The following RANBP17 variants were observed in gnomAD, a reference collection of about 807,000 sequenced individuals.
The protein encoded by RANBP17 is RAN binding protein 17.
In RANBP17, 158 loss-of-function variants were observed where a neutral mutation model predicts 141.2. The ratio of observed to expected loss-of-function variants is 1.12; its 90% confidence interval spans 0.98 to 1.28. RANBP17 has a LOEUF of 1.28. Among genes scored for constraint, RANBP17 ranks in the 50% most tolerant of loss-of-function variants. RANBP17 has a pLI of 0.00. For missense variants in RANBP17, 1,438 were observed against 1,290.7 expected, an observed-to-expected ratio of 1.11 and a Z score of -1.75; for synonymous variants, 430 against 450.0, an observed-to-expected ratio of 0.96 and a Z score of 0.56.
chr5:170,884,471 A>T (rs1404984627), intron 3 of RANBP17, among the ~76,000 whole-genome samples: 1 of 152,194 alleles, frequency 6.6e-6, no homozygotes, highest in African/African-American at 2.4e-5. Context: ...TAAAAGAAAG[A>T]TAAAATGTAT....
intron 24 of RANBP17, among the ~76,000 whole-genome samples, chr5:171,262,409 C>T (rs946200721): frequency 1.3e-5 from 2 of 152,168 alleles, no homozygotes; most frequent in Non-Finnish European, 2.9e-5. Context: ...CAAAGTAACC[C>T]AGTTAATACG....
At chr5:170,998,884 A>G (rs1779012627) in intron 14 of RANBP17, among the ~76,000 whole-genome samples, 1 of 152,126 alleles carries the variant, frequency 6.6e-6, no homozygotes, top group Admixed American at 6.6e-5. Context: ...CAGAAAATGT[A>G]CCTAGATAGA....
At chr5:171,277,938 C>CTTTTTTTTTTTTTTTT (rs140208253) in intron 25 of RANBP17, among the ~76,000 whole-genome samples, 5 of 72,266 alleles carry the variant, frequency 6.9e-5, no homozygotes, top group East Asian at 1.1e-3. Flanking sequence ...GGACTTCTTT[C>CTTTTTTTTTTTTTTTT]TTTTTTTTTT....
intron 14 of RANBP17, among the ~76,000 whole-genome samples, chr5:171,081,802 A>G (rs531577893): frequency 8.3e-4 from 126 of 152,260 alleles, no homozygotes; most frequent in African/African-American, 2.7e-3. Context: ...TTACCAGTTT[A>G]TTGTAATACA....
intron 1 of RANBP17, among the ~76,000 whole-genome samples, chr5:170,875,819 A>C (rs530431202): frequency 3.3e-5 from 5 of 152,228 alleles, no homozygotes; most frequent in South Asian, 4.2e-4. Context: ...TTTGGAGAAG[A>C]AGCACTCTGG....
chr5:171,154,902 C>T (rs756592281), intron 14 of RANBP17, among the ~76,000 whole-genome samples: 4 of 151,352 alleles, frequency 2.6e-5, no homozygotes, highest in Non-Finnish European at 5.9e-5. Context: ...ATAATGAAAC[C>T]CTGTCTCTAC....
At chr5:171,106,796 G>A (rs1039205213) in intron 14 of RANBP17, among the ~76,000 whole-genome samples, 1 of 152,042 alleles carries the variant, frequency 6.6e-6, no homozygotes, top group Non-Finnish European at 1.5e-5. Context: ...TTTAATGTTT[G>A]GGGGTGGGGA....
At chr5:171,290,490 T>C (rs72829434) in intron 25 of RANBP17, among the ~76,000 whole-genome samples, 14,303 of 152,012 alleles carry the variant, frequency 0.094, 831 homozygotes, top group East Asian at 0.2. Context: ...AAGAGAAGAG[T>C]TGGGGAATGA....
chr5:171,259,230 C>G (rs904824072), intron 24 of RANBP17, among the ~76,000 whole-genome samples: 1 of 152,090 alleles, frequency 6.6e-6, no homozygotes, highest in South Asian at 2.1e-4. Context: ...CAGATGTTGT[C>G]AAGGATGCAG....
chr5:171,253,603 C>A (rs1164091266), intron 24 of RANBP17, among the ~76,000 whole-genome samples: 1 of 152,080 alleles, frequency 6.6e-6, no homozygotes, highest in African/African-American at 2.4e-5. Context: ...TTTTTGTTTC[C>A]CCAAGGGGAA....
At position 170,916,564 on chromosome 5, in the gene RANBP17, A is replaced by C. The variant is rs1771989183; in HGVS notation, c.934A>C (p.Arg312=). 2 of 1,567,246 alleles carry C rather than the reference A, an allele frequency of 1.3e-6. No individual in the cohort carries two copies. The highest frequency in any genetic ancestry group is 1.4e-5 in the African/African-American group (1 of 73,678). ...TGGTAATTTAATTAAGGGAGTAAAA[A>C]GGATACTTGAAAACCCTCAGGTATT... The part of the protein sequence containing the change: ...YLGNLIKGVK[R]ILENPQGLSD... Residue 312 remains arginine (R), a synonymous_variant, in exon 9 of 28, where the codon AGG becomes CGG. Coordinates refer to ENST00000523189, the MANE Select transcript of RANBP17 (RefSeq NM_022897.5).
intron 16 of RANBP17, among the ~76,000 whole-genome samples, chr5:171,175,268 A>T (rs1002873786): frequency 6.6e-6 from 1 of 152,174 alleles, no homozygotes; most frequent in Non-Finnish European, 1.5e-5. Context: ...ATACGTGTGC[A>T]TGTGTCTTTA....
At chr5:171,234,674 A>G (rs1764422774) in intron 22 of RANBP17, among the ~76,000 whole-genome samples, 1 of 152,140 alleles carries the variant, frequency 6.6e-6, no homozygotes, top group Admixed American at 6.5e-5. Context: ...GAAAAAATGT[A>G]GTCAAGAGAT....
At chr5:171,156,876 C>G (rs1026703134) in intron 14 of RANBP17, among the ~76,000 whole-genome samples, 6 of 152,022 alleles carry the variant, frequency 3.9e-5, no homozygotes, top group African/African-American at 1.4e-4. Flanking sequence ...TTATCGAAAA[C>G]AGTCTTTTTT....
In RANBP17 at chr5:171,043,138, T is replaced by A. The variant is rs941958863; in HGVS notation, c.1710+74761T>A. ...CATGCAGATATTCCTTGAATTACTT[T>A]TGTAATCAGTAATTCTTTTTGAGAC... On this transcript the variant is annotated intron_variant, in intron 14 of 27. Coordinates refer to ENST00000523189, the MANE Select transcript of RANBP17 (RefSeq NM_022897.5). Among the ~76,000 whole-genome samples, 8 of 152,220 alleles carry A rather than the reference T, an allele frequency of 5.3e-5. No individual in the cohort carries two copies. The East Asian group carries it at 1.5e-3, about 29-fold the overall frequency.
chr5:171,258,060 C>T (rs370563182), intron 24 of RANBP17, among the ~76,000 whole-genome samples: 1 of 150,350 alleles, frequency 6.7e-6, no homozygotes, highest in African/African-American at 2.4e-5. Flanking sequence ...GAGCCGAGAT[C>T]GCTTCATTGC....
chr5:171,249,150 G>GT (rs1351311090), intron 24 of RANBP17, among the ~76,000 whole-genome samples: 1 of 152,110 alleles, frequency 6.6e-6, no homozygotes, highest in African/African-American at 2.4e-5. Flanking sequence ...CTCCAAGAAA[G>GT]TTACAGAAAG....
intron 14 of RANBP17, among the ~76,000 whole-genome samples, chr5:171,078,104 C>T (rs1387673579): frequency 1.1e-4 from 17 of 151,092 alleles, no homozygotes; most frequent in Non-Finnish European, 1.5e-5. Context: ...TGTGGCTTCA[C>T]TAAACAACAG....
intron 25 of RANBP17, among the ~76,000 whole-genome samples, chr5:171,269,150 T>G (rs946263590): frequency 6.6e-6 from 1 of 152,214 alleles, no homozygotes; most frequent in Admixed American, 6.5e-5. Context: ...TTATATCATC[T>G]TGAGTGCCTC....
Sources: allele counts gnomAD v4.1 joint callset (sites outside exome capture counted in the v4.1 genomes callset), GRCh38; gene constraint gnomAD v4.1.1; transcripts MANE v1.5; gene names NCBI Gene and HGNC (gene_info 2026-07-23, HGNC 2026-07-21).